Variants in WWOX observed in about 807,000 individuals in gnomAD.
WWOX encodes the protein WW domain-containing oxidoreductase.
Under a neutral mutation model 46.2 loss-of-function variants are expected in WWOX, and 69 were observed. That is an observed-to-expected ratio of 1.49 (90% CI 1.23 to 1.82). WWOX has a LOEUF of 1.82. WWOX is among the 40% of genes most tolerant of loss of function. WWOX has a pLI of 0.00. For synonymous variants in WWOX, 359 were observed against 202.6 expected, an observed-to-expected ratio of 1.77 and a Z score of -6.56; for missense variants, 919 against 542.6, an observed-to-expected ratio of 1.69 and a Z score of -6.89.
At chr16:78,651,570 C>G (rs1427953633) in intron 8 of WWOX, among the ~76,000 whole-genome samples, 3 of 152,172 alleles carry the variant, frequency 2.0e-5, no homozygotes, top group Admixed American at 2.0e-4. Context: ...TTGCCTTTAC[C>G]TGTTCCATGC....
intron 8 of WWOX, among the ~76,000 whole-genome samples, chr16:78,606,136 T>C (rs1397314732): frequency 1.3e-5 from 2 of 152,214 alleles, no homozygotes; most frequent in African/African-American, 4.8e-5. Context: ...CAACCAATCA[T>C]CATGGTTTCG....
intron 8 of WWOX, among the ~76,000 whole-genome samples, chr16:78,511,206 G>C (rs1035822822): frequency 6.6e-6 from 1 of 152,160 alleles, no homozygotes; most frequent in African/African-American, 2.4e-5. Context: ...TAATGTAAAA[G>C]CAGCTGGTTA....
chr16:79,175,052 A>G lies in WWOX; in HGVS notation c.1057-36556A>G, dbSNP rs547214099. Among the ~76,000 whole-genome samples, 34 of 152,248 alleles carry G rather than the reference A, an allele frequency of 2.2e-4. No homozygotes were observed. The South Asian group carries it at 3.7e-3, about 17-fold the overall frequency. On this transcript the variant is annotated intron_variant, in intron 8 of 8. Coordinates refer to ENST00000566780, the MANE Select transcript of WWOX (RefSeq NM_016373.4). ...TAACCTCCCTCTCATTATCCCACCA[A>G]TCTCTGCCAGTACAACCACATCAAC...
At position 79,200,704 on chromosome 16, in the gene WWOX, C is replaced by G. The variant is rs536527925; in HGVS notation, c.1057-10904C>G. ...AAGCAGCTATTGAGCCTCACACTCC[C>G]TGGACAAAGACATGAAAAACTCTGG... On this transcript the variant is annotated intron_variant, in intron 8 of 8. Coordinates refer to ENST00000566780, the MANE Select transcript of WWOX (RefSeq NM_016373.4). Among the ~76,000 whole-genome samples, 3 of 152,262 alleles carry G rather than the reference C, an allele frequency of 2.0e-5. No individual in the cohort carries two copies. In the South Asian group the frequency reaches 6.2e-4, roughly 32 times the overall value.
At chr16:78,682,187 C>T (rs1047260883) in intron 8 of WWOX, among the ~76,000 whole-genome samples, 2 of 152,176 alleles carry the variant, frequency 1.3e-5, no homozygotes, top group Admixed American at 6.5e-5. Context: ...AAATCAGGAT[C>T]TGCTACAATC....
At chr16:78,990,864 A>C (rs1411303829) in intron 8 of WWOX, among the ~76,000 whole-genome samples, 1 of 152,174 alleles carries the variant, frequency 6.6e-6, no homozygotes, top group African/African-American at 2.4e-5. Context: ...CATTTTTTAA[A>C]AGGAGACAAA....
At chr16:78,689,381 C>A (rs1361062899) in intron 8 of WWOX, among the ~76,000 whole-genome samples, 1 of 152,198 alleles carries the variant, frequency 6.6e-6, no homozygotes, top group Non-Finnish European at 1.5e-5. Flanking sequence ...CTGGCTGAGT[C>A]CCATAATGTT....
intron 2 of WWOX, among the ~76,000 whole-genome samples, 199 bp downstream of exon 2, chr16:78,108,686 T>C (rs1343009961): frequency 6.6e-6 from 1 of 152,200 alleles, no homozygotes; most frequent in Non-Finnish European, 1.5e-5. Context: ...GATTTCTTAC[T>C]GGTCTTAAAG....
Position 78,355,644 on chromosome 16 carries a change from G to A in WWOX, c.517-31216G>A, listed in dbSNP as rs541317755. Reference sequence around the variant, plus strand: ...AAAATGAGAAACGACCGAGAGCTTCGAGGCAGATTACATACTTATGATCAA... The same window carrying A: ...AAAATGAGAAACGACCGAGAGCTTCAAGGCAGATTACATACTTATGATCAA... On this transcript the variant is annotated intron_variant, in intron 5 of 8. Coordinates refer to ENST00000566780, the MANE Select transcript of WWOX (RefSeq NM_016373.4). 916 of 637,442 alleles carry A rather than the reference G, an allele frequency of 1.4e-3. 2 individuals carry two copies. Among genetic ancestry groups the A allele is most frequent in the South Asian group, 2.2e-3 (155 of 71,856 alleles). 39.5% of individuals were successfully genotyped at this position (637,442 alleles called of 1,614,324 possible). A position where few individuals can be genotyped will look rare whatever the true frequency, so the allele number is the denominator to read the frequency against.
chr16:78,855,255 A>C (rs1433159715), intron 8 of WWOX, among the ~76,000 whole-genome samples: 1 of 152,212 alleles, frequency 6.6e-6, no homozygotes, highest in Non-Finnish European at 1.5e-5. Flanking sequence ...AAACCAAAGT[A>C]CTAAATAATA....
intron 8 of WWOX, among the ~76,000 whole-genome samples, chr16:78,810,683 G>C (rs2051165567): frequency 6.6e-6 from 1 of 152,206 alleles, no homozygotes; most frequent in African/African-American, 2.4e-5. Context: ...AATGCTGATT[G>C]AAGCGGGCCA....
chr16:78,683,464 G>A (rs937568708), intron 8 of WWOX, among the ~76,000 whole-genome samples: 10 of 151,918 alleles, frequency 6.6e-5, no homozygotes, highest in Non-Finnish European at 8.8e-5. Flanking sequence ...CACTTGAACC[G>A]GGGAGGTGGA....
At chr16:79,135,409 G>T (rs2049964089) in intron 8 of WWOX, among the ~76,000 whole-genome samples, 1 of 152,016 alleles carries the variant, frequency 6.6e-6, no homozygotes, top group African/African-American at 2.4e-5. Context: ...TTATCCCATT[G>T]TCTGTCTTCA....
chr16:78,775,649 A>T (rs985344079), intron 8 of WWOX, among the ~76,000 whole-genome samples: 1 of 152,152 alleles, frequency 6.6e-6, no homozygotes, highest in Non-Finnish European at 1.5e-5. Context: ...TGTCTTTCTT[A>T]TAGATGGGAC....
rs1257208698 is a variant in WWOX, at chr16:78,274,009, GAC to G, written c.516+109721_516+109722del. Among the ~76,000 whole-genome samples, 3 of 152,278 alleles carry G rather than the reference GAC, an allele frequency of 2.0e-5. No homozygotes were observed. In the East Asian group the frequency reaches 5.8e-4, roughly 29 times the overall value. On this transcript the variant is annotated intron_variant, in intron 5 of 8. Coordinates refer to ENST00000566780, the MANE Select transcript of WWOX (RefSeq NM_016373.4). ...ATTTGGACTGGAGAACCCAGCATCT[GAC>G]TTAAAGAGTCTGCTTCTCTTCAAAA... is the stretch of plus-strand genomic sequence containing the variant.
At chr16:78,887,128 GTGTGTGTA>G (rs1159621452) in intron 8 of WWOX, among the ~76,000 whole-genome samples, 1 of 112,732 alleles carries the variant, frequency 8.9e-6, no homozygotes, top group Non-Finnish European at 1.9e-5. Context: ...GTGTGTGTGT[GTGTGTGTA>G]TACCTAGTCT....
chr16:78,529,560 G>C (rs952187885), intron 8 of WWOX, among the ~76,000 whole-genome samples: 3 of 151,892 alleles, frequency 2.0e-5, no homozygotes, highest in African/African-American at 7.3e-5. Flanking sequence ...TCCGCCTCTC[G>C]AGTTCAAGCG....
At chr16:78,385,235 G>C (rs563461652) in intron 5 of WWOX, among the ~76,000 whole-genome samples, 1 of 152,026 alleles carries the variant, frequency 6.6e-6, no homozygotes, top group African/African-American at 2.4e-5. Context: ...GGTCTGATGT[G>C]GCCTTCAGGG....
chr16:78,716,357 G>C (rs144673558), intron 8 of WWOX, among the ~76,000 whole-genome samples: 38 of 152,196 alleles, frequency 2.5e-4, no homozygotes, highest in South Asian at 8.3e-4. Context: ...AGACTTCTGG[G>C]TTCCGCAACT....
Sources: allele counts gnomAD v4.1 joint callset (sites outside exome capture counted in the v4.1 genomes callset), GRCh38; gene constraint gnomAD v4.1.1; transcripts MANE v1.5; gene names NCBI Gene and HGNC (gene_info 2026-07-23, HGNC 2026-07-21).